The following LIMA1 variants were observed in gnomAD, a reference collection of about 807,000 sequenced individuals.
The protein encoded by LIMA1 is LIM domain and actin-binding protein 1.
In LIMA1, 52 loss-of-function variants were observed where a neutral mutation model predicts 62.6. The ratio of observed to expected loss-of-function variants is 0.83; its 90% CI spans 0.67 to 1.05. The LOEUF (loss-of-function observed/expected upper bound fraction) is 1.05, where lower values mean the gene tolerates loss of function less well. LIMA1 is among the 50% of genes least tolerant of loss of function. The probability of loss-of-function intolerance (pLI) is 0.00; values close to 1 mark genes in which losing one functional copy is unlikely to be tolerated. For missense variants in LIMA1, 780 were observed against 902.2 expected (o/e 0.86, Z 1.74); for synonymous variants, 302 against 317.8 (o/e 0.95, Z 0.53).
chr12:50,180,767 G>A (rs1249915662), intron 10 of LIMA1, among the ~76,000 whole-genome samples: 2 of 151,990 alleles, frequency 1.3e-5, no homozygotes, highest in African/African-American at 4.8e-5. Context: ...CCATTCTGAA[G>A]AGTGACAAAT....
chr12:50,263,905 A>ATG (rs1942108475), intron 1 of LIMA1, among the ~76,000 whole-genome samples: 41 of 62,808 alleles, frequency 6.5e-4, no homozygotes, highest in African/African-American at 2.7e-3. Context: ...TAAAGTATGT[A>ATG]TATATATATA....
chr12:50,177,524 GT>G lies in LIMA1; in HGVS notation c.1819del (p.Thr607LeufsTer74). ...FQSTSVKSPK[T>X]VSPPIRKGWS... is the part of the protein sequence containing the mutation. ...GCCTTTCCTGATAGGTGGGGACACAGTTTTTGGGCTCTTGACAGAGGTGCTT... is the reference window on the plus strand; with the variant it reads ...GCCTTTCCTGATAGGTGGGGACACAGTTTTGGGCTCTTGACAGAGGTGCTT... On this transcript the variant is annotated frameshift_variant, in exon 11 of 11. Transcript: ENST00000341247. LOFTEE classifies it low-confidence loss of function (END_TRUNC). The G allele has an allele frequency of 6.2e-7, 1 of 1,611,888 alleles. No homozygotes were observed. The highest frequency in any genetic ancestry group is 8.5e-7 in the Non-Finnish European group (1 of 1,179,070).
chr12:50,177,426 T>C lies in LIMA1; in HGVS notation c.1918A>G (p.Lys640Glu). The stretch of plus-strand genomic sequence containing the variant: ...ACATTCCCATTCTTCTTAGAAGCCT[T>C]GGCATTTTCCACTTGTTTCCTTTCT... ...VAERKQVENA[K>E]ASKKNGNVGK... The change falls in exon 11 of 11, where the codon AAG becomes GAG. Residue 640 changes from lysine (K) to glutamate (E), a missense_variant. By Grantham distance (56) the Lys-to-Glu change is moderately conservative. Coordinates refer to ENST00000341247, the MANE Select transcript of LIMA1 (RefSeq NM_016357.5). The C allele has an allele frequency of 1.9e-6, 3 of 1,614,084 alleles. No homozygotes were observed. The highest frequency in any genetic ancestry group is 2.5e-6 in the Non-Finnish European group (3 of 1,180,044).
chr12:50,210,833 A>G (rs895066110), intron 4 of LIMA1, among the ~76,000 whole-genome samples: 7 of 152,188 alleles, frequency 4.6e-5, no homozygotes, highest in Non-Finnish European at 8.8e-5. Flanking sequence ...AGTACTAAAA[A>G]AGTACATGAA....
intron 3 of LIMA1, 175 bp from the exon 4 acceptor site, chr12:50,222,660 G>C (rs1565847692): frequency 6.6e-7 from 1 of 1,519,396 alleles, no homozygotes; most frequent in South Asian, 1.2e-5. Context: ...CCGGCAGAGG[G>C]AGAGGGAGAG....
chr12:50,206,898 T>TTCTG (rs1186427679), intron 4 of LIMA1, among the ~76,000 whole-genome samples: 2 of 152,126 alleles, frequency 1.3e-5, no homozygotes, highest in African/African-American at 2.4e-5. Flanking sequence ...GTCCATATAT[T>TTCTG]TCCAGGACTT....
At chr12:50,276,541 C>T (rs985329325) in intron 1 of LIMA1, among the ~76,000 whole-genome samples, 3 of 152,046 alleles carry the variant, frequency 2.0e-5, no homozygotes, top group Admixed American at 6.6e-5. Context: ...ATGGTGAAGG[C>T]CTTCTAAACA....
At chr12:50,232,631 A>G (rs1203045389) in intron 2 of LIMA1, among the ~76,000 whole-genome samples, 2 of 152,058 alleles carry the variant, frequency 1.3e-5, no homozygotes, top group Admixed American at 6.6e-5. Context: ...AGCCTCCCCA[A>G]ATGCTGGGAT....
chr12:50,177,043 G>A lies in LIMA1; in HGVS notation c.*21C>T, dbSNP rs1940352492. On this transcript the variant is annotated 3_prime_UTR_variant, in exon 11 of 11. Transcript: ENST00000341247. ...TCGCTAACACTAACATGAATTTAAGGCCCAGCATCATTGCAATTTGTCACT... is the reference window on the plus strand; with the variant it reads ...TCGCTAACACTAACATGAATTTAAGACCCAGCATCATTGCAATTTGTCACT... The A allele has an allele frequency of 6.5e-7, 1 of 1,527,484 alleles. No homozygotes were observed. The highest frequency in any genetic ancestry group is 1.4e-5 in the African/African-American group (1 of 72,264). The allele number at this position is 1,527,484 out of a possible 1,614,324, so 94.6% of individuals were successfully genotyped here.
intron 2 of LIMA1, among the ~76,000 whole-genome samples, chr12:50,244,185 G>A (rs760172707): frequency 4.0e-5 from 6 of 151,892 alleles, no homozygotes; most frequent in Non-Finnish European, 7.4e-5. Flanking sequence ...TGCAACCTCC[G>A]CCCCCCAGGT....
intron 4 of LIMA1, among the ~76,000 whole-genome samples, chr12:50,221,764 C>T (rs1474032016): frequency 6.6e-6 from 1 of 152,178 alleles, no homozygotes; most frequent in East Asian, 1.9e-4. Context: ...ATAATCCAAT[C>T]GGTATTAAAC....
intron 1 of LIMA1, among the ~76,000 whole-genome samples, chr12:50,271,016 C>A (rs1478249562): frequency 3.3e-5 from 5 of 152,056 alleles, no homozygotes; most frequent in Admixed American, 3.3e-4. Context: ...GGCATGAACC[C>A]AGGAGGCGGA....
intron 9 of LIMA1, among the ~76,000 whole-genome samples, chr12:50,191,603 C>T (rs1028626598): frequency 6.6e-6 from 1 of 152,080 alleles, no homozygotes; most frequent in African/African-American, 2.4e-5. Context: ...AGGCGGATCA[C>T]GAGGTCAGGA....
At chr12:50,219,071 G>C (rs998068888) in intron 4 of LIMA1, among the ~76,000 whole-genome samples, 1 of 152,114 alleles carries the variant, frequency 6.6e-6, no homozygotes, top group Non-Finnish European at 1.5e-5. Flanking sequence ...AAGAATAAAA[G>C]ATTCAAAAAG....
rs373125401 is a variant in LIMA1, at chr12:50,239,189, A to G, written c.120-7479T>C. Among the ~76,000 whole-genome samples, 12 of 152,322 alleles carry G rather than the reference A, an allele frequency of 7.9e-5. No individual in the cohort carries two copies. The East Asian group carries it at 2.1e-3, about 27-fold the overall frequency. On this transcript the variant is annotated intron_variant, in intron 2 of 10. Transcript: ENST00000341247. ...CAGAAGCACACAAATATACATACAC[A>G]TACACACACACAGAGTGGTAAGTCC...
intron 1 of LIMA1, among the ~76,000 whole-genome samples, chr12:50,281,659 A>G (rs867559549): frequency 5.9e-5 from 9 of 152,246 alleles, no homozygotes; most frequent in Middle Eastern, 3.2e-3. Context: ...ACTAAATGCC[A>G]CATTAACAAC....
intron 4 of LIMA1, among the ~76,000 whole-genome samples, chr12:50,221,179 G>C (rs900194490): frequency 2.0e-5 from 3 of 152,090 alleles, no homozygotes; most frequent in Non-Finnish European, 2.9e-5. Flanking sequence ...GTGGAATCTA[G>C]AGTAACAGAT....
At chr12:50,216,562 C>T (rs913642554) in intron 4 of LIMA1, among the ~76,000 whole-genome samples, 3 of 152,092 alleles carry the variant, frequency 2.0e-5, no homozygotes, top group African/African-American at 7.2e-5. Context: ...CCATATACCA[C>T]TCATTCACTC....
At chr12:50,210,386 C>T (rs548320869) in intron 4 of LIMA1, among the ~76,000 whole-genome samples, 26 of 144,634 alleles carry the variant, frequency 1.8e-4, no homozygotes, top group African/African-American at 6.9e-4. Context: ...TTACTGCACT[C>T]CAGCCTGGGC....
Sources: allele counts gnomAD v4.1 joint callset (sites outside exome capture counted in the v4.1 genomes callset), GRCh38; gene constraint gnomAD v4.1.1; transcripts MANE v1.5; gene names NCBI Gene and HGNC (gene_info 2026-07-23, HGNC 2026-07-21).